PEX5L: variants seen among roughly 807,000 people sequenced by gnomAD.
PEX5L encodes peroxisomal biogenesis factor 5 like, also known as PEX5-related protein.
In PEX5L, 30 loss-of-function variants were observed where a neutral mutation model predicts 84.0. The ratio of observed to expected loss-of-function variants is 0.36; its 90% CI spans 0.27 to 0.48. The LOEUF (loss-of-function observed/expected upper bound fraction) is 0.48. PEX5L is among the 20% of genes least tolerant of loss of function. PEX5L has a pLI of 0.99. For missense variants in PEX5L, 533 were observed against 754.6 expected (o/e 0.71, Z 3.44); for synonymous variants, 270 against 283.1 (o/e 0.95, Z 0.46).
chr3:179,937,760 G>A (rs185019292), intron 2 of PEX5L, among the ~76,000 whole-genome samples: 2 of 152,316 alleles, frequency 1.3e-5, no homozygotes, highest in African/African-American at 2.4e-5. Context: ...TAGTTCAAGA[G>A]TTTTGGTATT....
chr3:179,878,081 T>C (rs943795213), intron 5 of PEX5L, among the ~76,000 whole-genome samples: 4 of 152,244 alleles, frequency 2.6e-5, no homozygotes, highest in African/African-American at 9.6e-5. Context: ...TAGACCTATA[T>C]ACTTAACAGT....
At chr3:179,921,387 G>A (rs1458668715) in intron 2 of PEX5L, among the ~76,000 whole-genome samples, 1 of 152,172 alleles carries the variant, frequency 6.6e-6, no homozygotes, top group Non-Finnish European at 1.5e-5. Flanking sequence ...CAGAATGAAG[G>A]CTTTTCCTTA....
intron 2 of PEX5L, among the ~76,000 whole-genome samples, chr3:179,906,309 T>C (rs1763191519): frequency 6.6e-6 from 1 of 152,222 alleles, no homozygotes. Flanking sequence ...TCTTCATTCA[T>C]GTATAGCTGG....
intron 7 of PEX5L, among the ~76,000 whole-genome samples, chr3:179,872,380 A>G (rs960914805): frequency 6.6e-6 from 1 of 152,202 alleles, no homozygotes; most frequent in South Asian, 2.1e-4. Context: ...ATAAGTGAAC[A>G]TGCAATGTTT....
At chr3:179,905,783 T>C (rs1762988044) in intron 2 of PEX5L, among the ~76,000 whole-genome samples, 1 of 152,176 alleles carries the variant, frequency 6.6e-6, no homozygotes, top group Non-Finnish European at 1.5e-5. Flanking sequence ...TTTTGTAAAC[T>C]ATTCCTTGGC....
At chr3:179,802,789 C>T (rs1316245238) in intron 14 of PEX5L, among the ~76,000 whole-genome samples, 1 of 151,578 alleles carries the variant, frequency 6.6e-6, no homozygotes, top group African/African-American at 2.4e-5. Context: ...GTATGGAACA[C>T]AGCTAGAGTA....
At chr3:179,969,633 A>T (rs565331967) in intron 2 of PEX5L, among the ~76,000 whole-genome samples, 65 of 152,220 alleles carry the variant, frequency 4.3e-4, no homozygotes, top group African/African-American at 1.6e-3. Flanking sequence ...ATCTTTCAAA[A>T]AAAGGAAGGA....
At chr3:179,992,733 C>A (rs114255527) in intron 1 of PEX5L, among the ~76,000 whole-genome samples, 85 of 151,930 alleles carry the variant, frequency 5.6e-4, no homozygotes, top group Admixed American at 8.5e-4. Flanking sequence ...TGTGGAGCAG[C>A]GCACACGAAT....
intron 1 of PEX5L, among the ~76,000 whole-genome samples, chr3:180,035,344 A>G (rs1430311010): frequency 6.6e-6 from 1 of 152,166 alleles, no homozygotes; most frequent in Non-Finnish European, 1.5e-5. Context: ...CACATTGATC[A>G]TATATAATAT....
chr3:179,802,089 TAAACA>T, intron 14 of PEX5L, 57 bp from the exon 15 acceptor site: 2 of 1,260,842 alleles, frequency 1.6e-6, no homozygotes, highest in Non-Finnish European at 2.3e-6. Flanking sequence ...TTAGCAAATG[TAAACA>T]AAACAAAACA....
At chr3:179,975,691 T>C (rs935499486) in intron 1 of PEX5L, among the ~76,000 whole-genome samples, 4 of 152,224 alleles carry the variant, frequency 2.6e-5, no homozygotes, top group African/African-American at 4.8e-5. Flanking sequence ...TTCTTCATGG[T>C]TGTCAGGATT....
intron 14 of PEX5L, chr3:179,804,070 C>T (rs1380216891): frequency 6.6e-6 from 1 of 152,124 alleles, no homozygotes; most frequent in African/African-American, 2.4e-5. Context: ...ATCTTGAAAG[C>T]CTCTCATTCA....
intron 11 of PEX5L, among the ~76,000 whole-genome samples, chr3:179,811,258 C>A (rs545590531): frequency 2.0e-5 from 3 of 151,594 alleles, no homozygotes; most frequent in African/African-American, 7.3e-5. Context: ...CATATGTATA[C>A]GCACACATAT....
chr3:179,834,755 T>C (rs976114224), intron 8 of PEX5L, among the ~76,000 whole-genome samples: 7 of 152,214 alleles, frequency 4.6e-5, no homozygotes, highest in Non-Finnish European at 1.0e-4. Context: ...CTTTTTATTA[T>C]CTTAGAATGA....
At chr3:179,815,761 C>T (rs555196648) in intron 10 of PEX5L, 100 bp downstream of exon 10, 99 of 1,328,848 alleles carry the variant, frequency 7.5e-5, no homozygotes, top group Non-Finnish European at 1.0e-4. Flanking sequence ...CTCTGGGAAC[C>T]TTTACTTGAT....
At chr3:179,835,380 A>G (rs556792783) in intron 8 of PEX5L, among the ~76,000 whole-genome samples, 1 of 152,266 alleles carries the variant, frequency 6.6e-6, no homozygotes, top group African/African-American at 2.4e-5. Flanking sequence ...TTTTAAATAA[A>G]AACACTTTTC....
At chr3:179,894,589 T>G (rs1293122581) in intron 3 of PEX5L, among the ~76,000 whole-genome samples, 1 of 152,122 alleles carries the variant, frequency 6.6e-6, no homozygotes, top group Non-Finnish European at 1.5e-5. Flanking sequence ...GGCAGGAGAA[T>G]GTAATTAAGA....
At chr3:179,893,358 T>G (rs1203741566) in intron 3 of PEX5L, among the ~76,000 whole-genome samples, 1 of 152,178 alleles carries the variant, frequency 6.6e-6, no homozygotes, top group African/African-American at 2.4e-5. Flanking sequence ...TTAAATAATC[T>G]AAGCTATAAG....
chr3:179,801,701 T>C lies in PEX5L; in HGVS notation c.*127A>G. 2 of 704,536 alleles carry C rather than the reference T, an allele frequency of 2.8e-6. No individual in the cohort carries two copies. Among genetic ancestry groups the C allele is most frequent in the Non-Finnish European group, 5.0e-6 (2 of 403,746 alleles). The allele number at this position is 704,536 out of a possible 1,614,324, so 43.6% of individuals were successfully genotyped here. On this transcript the variant is annotated 3_prime_UTR_variant, in exon 15 of 15. Transcript: ENST00000467460. ...GCATTGTCCACAGGAATTAATTTCC[T>C]TGGGCTATATGACCATGGCCTTTTG...
Sources: gnomAD v4.1 joint callset for allele counts (sites outside exome capture counted in the v4.1 genomes callset) on GRCh38, gnomAD v4.1.1 for gene constraint, MANE v1.5 for transcripts, NCBI Gene and HGNC (gene_info 2026-07-23, HGNC 2026-07-21) for gene names.